Variants in PRLR observed in about 807,000 individuals in gnomAD.
PRLR encodes hPRL receptor.
In PRLR, 13 loss-of-function variants were observed where a neutral mutation model predicts 40.2. The ratio of observed to expected loss-of-function variants is 0.32; its 90% confidence interval spans 0.21 to 0.51. The LOEUF is 0.51. Among genes scored for constraint, PRLR ranks in the 20% least tolerant of loss-of-function variants. PRLR has a pLI of 0.97. For synonymous variants in PRLR, 269 were observed against 278.7 expected, an observed-to-expected ratio of 0.97 and a Z score of 0.35; for missense variants, 656 against 747.3, an observed-to-expected ratio of 0.88 and a Z score of 1.42.
chr5:35,119,042 G>A (rs1773179774), intron 1 of PRLR, among the ~76,000 whole-genome samples: 1 of 152,052 alleles, frequency 6.6e-6, no homozygotes. Flanking sequence ...TGATCTGCCT[G>A]CCTCGTACTC....
intron 2 of PRLR, among the ~76,000 whole-genome samples, chr5:35,109,958 G>C (rs200917560): frequency 1.3e-5 from 2 of 152,154 alleles, no homozygotes; most frequent in African/African-American, 4.8e-5. Context: ...CAAAGGCTTG[G>C]AGCCAACCCA....
At chr5:35,127,501 T>C (rs1773509704) in intron 1 of PRLR, among the ~76,000 whole-genome samples, 1 of 152,176 alleles carries the variant, frequency 6.6e-6, no homozygotes, top group Non-Finnish European at 1.5e-5. Flanking sequence ...TCTAAGATAT[T>C]AAGATCAGAA....
rs780849291 is a variant in PRLR at position 35,065,340 on chromosome 5, G to T, written c.1618C>A (p.Pro540Thr). ...TTGGCATACTCCTTATTGTTCTCAGGAGTCCCGGGCTTCTTGGGCTTGCCG... is the reference window on the plus strand; with the variant it reads ...TTGGCATACTCCTTATTGTTCTCAGTAGTCCCGGGCTTCTTGGGCTTGCCG... ...NSGKPKKPGT[P>T]ENNKEYAKVS... Residue 540 changes from proline (P) to threonine (T), a missense_variant, in exon 10 of 10, where the codon CCT becomes ACT. By Grantham distance (38) the Pro-to-Thr change is conservative (BLOSUM62 -1). Around this residue, in one of 3 missense-constraint regions of PRLR, gnomAD observed 469 missense variants for 491.5 expected, o/e 0.95. Transcript: ENST00000618457. The T allele has an allele frequency of 6.2e-7, 1 of 1,614,002 alleles. No homozygotes were observed.
intron 1 of PRLR, among the ~76,000 whole-genome samples, chr5:35,225,774 C>T (rs984045853): frequency 4.6e-5 from 7 of 152,180 alleles, no homozygotes; most frequent in African/African-American, 1.4e-4. Flanking sequence ...CTCCGCCTCC[C>T]GGGTTCAAGA....
At chr5:35,076,224 C>T (rs561927582) in intron 5 of PRLR, among the ~76,000 whole-genome samples, 4 of 152,092 alleles carry the variant, frequency 2.6e-5, no homozygotes, top group Non-Finnish European at 4.4e-5. Flanking sequence ...AGGCTTCAGA[C>T]GATTGGTAAT....
Position 35,065,986 on chromosome 5 carries a change from A to T in PRLR, c.972T>A (p.His324Gln), listed in dbSNP as rs1769345211. The change falls in exon 10 of 10, where the codon CAT becomes CAA. Residue 324 changes from histidine (H) to glutamine (Q), a missense_variant. Around this residue, in one of 3 missense-constraint regions of PRLR, gnomAD observed 469 missense variants for 491.5 expected, o/e 0.95. Coordinates refer to ENST00000618457, the MANE Select transcript of PRLR (RefSeq NM_000949.7). ...YLEVDDSEDQ[H>Q]LMSVHSKEHP... The stretch of plus-strand genomic sequence containing the variant: ...GTTCTTTTGAATGGACTGACATTAG[A>T]TGCTGGTCCTCACTATCATCTACTT... 2 of 1,614,022 alleles carry T rather than the reference A, an allele frequency of 1.2e-6. No individual in the cohort carries two copies. Among genetic ancestry groups the T allele is most frequent in the Non-Finnish European group, 1.7e-6 (2 of 1,180,026 alleles).
intron 1 of PRLR, among the ~76,000 whole-genome samples, chr5:35,227,314 G>T (rs1415840022): frequency 6.6e-6 from 1 of 152,194 alleles, no homozygotes; most frequent in African/African-American, 2.4e-5. Flanking sequence ...GGAGCACTGG[G>T]TAGTGGAAAA....
chr5:35,156,199 C>CTACAA (rs1774499811), intron 1 of PRLR, among the ~76,000 whole-genome samples: 1 of 150,806 alleles, frequency 6.6e-6, no homozygotes, highest in South Asian at 2.1e-4. Flanking sequence ...CTCTCATTTA[C>CTACAA]TCCAATCCAA....
At chr5:35,107,739 C>T (rs571476107) in intron 2 of PRLR, among the ~76,000 whole-genome samples, 2 of 152,106 alleles carry the variant, frequency 1.3e-5, no homozygotes, top group South Asian at 2.1e-4. Context: ...AATTAATAGC[C>T]TACCAAGCAA....
intron 1 of PRLR, among the ~76,000 whole-genome samples, chr5:35,129,093 G>A (rs1430475747): frequency 4.6e-5 from 7 of 152,178 alleles, no homozygotes; most frequent in Admixed American, 4.6e-4. Flanking sequence ...AGAAACTGGT[G>A]GAGATAAAAA....
chr5:35,121,780 C>A (rs1445902376), intron 1 of PRLR, among the ~76,000 whole-genome samples: 1 of 152,142 alleles, frequency 6.6e-6, no homozygotes, highest in African/African-American at 2.4e-5. Context: ...GTTGCATATC[C>A]AAAACTTGAA....
chr5:35,164,192 C>T (rs1273857795), intron 1 of PRLR, among the ~76,000 whole-genome samples: 1 of 152,196 alleles, frequency 6.6e-6, no homozygotes, highest in African/African-American at 2.4e-5. Context: ...TACATGATTA[C>T]TATTCAAAGA....
intron 1 of PRLR, among the ~76,000 whole-genome samples, chr5:35,128,305 T>C (rs1425075104): frequency 6.7e-6 from 1 of 150,082 alleles, no homozygotes; most frequent in African/African-American, 2.4e-5. Flanking sequence ...GTGGATCTAA[T>C]GAATACTAGA....
At chr5:35,183,987 G>A (rs967129085) in intron 1 of PRLR, among the ~76,000 whole-genome samples, 2 of 152,126 alleles carry the variant, frequency 1.3e-5, no homozygotes, top group African/African-American at 2.4e-5. Flanking sequence ...CTCTACAGTC[G>A]ATCAGACTAG....
At chr5:35,193,925 G>T (rs1432930296) in intron 1 of PRLR, among the ~76,000 whole-genome samples, 1 of 152,138 alleles carries the variant, frequency 6.6e-6, no homozygotes, top group East Asian at 1.9e-4. Context: ...ATGTTAGATT[G>T]GCATGCATCT....
chr5:35,145,374 TTA>T (rs1447453611), intron 1 of PRLR, among the ~76,000 whole-genome samples: 1 of 152,196 alleles, frequency 6.6e-6, no homozygotes, highest in African/African-American at 2.4e-5. Context: ...GGCCCCTAAT[TTA>T]TGTCTACTGC....
intron 2 of PRLR, among the ~76,000 whole-genome samples, chr5:35,105,788 T>C (rs1308718614): frequency 6.6e-6 from 1 of 152,208 alleles, no homozygotes; most frequent in Non-Finnish European, 1.5e-5. Flanking sequence ...TGGAACCAAG[T>C]TGGAAAACAC....
chr5:35,184,450 G>A (rs1775372768), intron 1 of PRLR, among the ~76,000 whole-genome samples: 1 of 152,168 alleles, frequency 6.6e-6, no homozygotes, highest in Non-Finnish European at 1.5e-5. Flanking sequence ...GGAGGAAGAG[G>A]TTGCAGCAGT....
In PRLR at chr5:35,060,959, T is replaced by C. The variant is rs539232138; in HGVS notation, c.*4130A>G. On this transcript the variant is annotated 3_prime_UTR_variant, in exon 10 of 10. Transcript: ENST00000618457. ...CCAAATCACAGCCAGCCTCAATTTC[T>C]TATCAGGCAAAGTAAGTCACACTAT... 8.5e-5 allele frequency: 13 copies of C among 152,296 alleles called. No homozygotes were observed. In the East Asian group the frequency reaches 2.5e-3, roughly 29 times the overall value. The allele number at this position is 152,296 out of a possible 1,614,324, so 9.4% of individuals were successfully genotyped here. A position where few individuals can be genotyped will look rare whatever the true frequency, so the allele number is the denominator to read the frequency against.
Sources: gnomAD v4.1 joint callset for allele counts (sites outside exome capture counted in the v4.1 genomes callset) on GRCh38, gnomAD v4.1.1 for gene constraint, gnomAD v4.1.1 regional missense constraint, MANE v1.5 for transcripts, NCBI Gene and HGNC (gene_info 2026-07-23, HGNC 2026-07-21) for gene names.